TCF12: variants seen among roughly 807,000 people sequenced by gnomAD.
The protein encoded by TCF12 is transcription factor 12, also known as DNA-binding protein HTF4.
TCF12 carries 45 observed loss-of-function variants against 86.0 expected under a neutral mutation model. That is an observed-to-expected ratio of 0.52 (90% CI 0.41 to 0.67). The LOEUF (loss-of-function observed/expected upper bound fraction) is 0.67, where lower values mean the gene tolerates loss of function less well. Ranked by LOEUF, TCF12 falls within the 30% of genes least tolerant of loss-of-function variation. The pLI, the probability that TCF12 is intolerant of heterozygous loss-of-function variation, is 0.00. For synonymous variants in TCF12, 330 were observed against 299.6 expected (o/e 1.10, Z -1.05); for missense variants, 881 against 859.9 (o/e 1.02, Z -0.31).
At chr15:57,093,299 T>G (rs985473648) in intron 5 of TCF12, among the ~76,000 whole-genome samples, 4 of 152,192 alleles carry the variant, frequency 2.6e-5, no homozygotes, top group African/African-American at 7.2e-5. Context: ...CCAAATTATT[T>G]CCTTTCGGAG....
intron 5 of TCF12, among the ~76,000 whole-genome samples, chr15:57,152,783 C>G (rs777988060): frequency 6.6e-6 from 1 of 151,728 alleles, no homozygotes; most frequent in East Asian, 1.9e-4. Context: ...AGATAATGGC[C>G]AAGAATTTCC....
At chr15:57,022,975 T>G (rs1418561787) in intron 3 of TCF12, among the ~76,000 whole-genome samples, 1 of 152,182 alleles carries the variant, frequency 6.6e-6, no homozygotes, top group African/African-American at 2.4e-5. Flanking sequence ...AGTTGAATAA[T>G]GTACACAGCT....
intron 5 of TCF12, among the ~76,000 whole-genome samples, chr15:57,098,134 C>T (rs1314368760): frequency 1.3e-5 from 2 of 151,574 alleles, no homozygotes; most frequent in African/African-American, 4.9e-5. Flanking sequence ...GCAGTGAGCC[C>T]AGATTGCGCC....
intron 3 of TCF12, among the ~76,000 whole-genome samples, chr15:56,952,053 T>C (rs989580713): frequency 2.6e-5 from 4 of 152,218 alleles, no homozygotes; most frequent in Admixed American, 6.5e-5. Context: ...TTTTTGTGTG[T>C]GTGTGTATGA....
chr15:57,269,262 C>G (rs1358986917), intron 18 of TCF12, among the ~76,000 whole-genome samples: 4 of 151,462 alleles, frequency 2.6e-5, no homozygotes, highest in South Asian at 2.1e-4. Flanking sequence ...TGCATTGATC[C>G]CTTTACCATT....
intron 16 of TCF12, among the ~76,000 whole-genome samples, chr15:57,260,063 A>T (rs1567004490): frequency 6.6e-6 from 1 of 152,200 alleles, no homozygotes; most frequent in Middle Eastern, 3.2e-3. Context: ...TTAAAGGCTT[A>T]TATTTTTGCT....
intron 5 of TCF12, among the ~76,000 whole-genome samples, chr15:57,146,139 C>T (rs958107296): frequency 6.6e-6 from 1 of 152,070 alleles, no homozygotes; most frequent in Admixed American, 6.5e-5. Flanking sequence ...ATGTTAATTT[C>T]TTCTATTTAA....
intron 3 of TCF12, among the ~76,000 whole-genome samples, chr15:56,965,324 G>GATTT (rs1347400964): frequency 1.3e-5 from 2 of 151,914 alleles, no homozygotes; most frequent in Admixed American, 6.6e-5. Context: ...TTGCTATTTT[G>GATTT]ATTTATTAGA....
intron 3 of TCF12, among the ~76,000 whole-genome samples, chr15:57,006,218 G>T (rs1024142803): frequency 6.6e-6 from 1 of 152,174 alleles, no homozygotes; most frequent in African/African-American, 2.4e-5. Flanking sequence ...AAAATTCCAT[G>T]TTGAGATTAG....
At chr15:57,251,185 T>C (rs1201663634) in intron 13 of TCF12, 165 bp from the exon 14 acceptor site, 6 of 472,524 alleles carry the variant, frequency 1.3e-5, no homozygotes, top group Non-Finnish European at 2.3e-5. Flanking sequence ...ATGAAAGATT[T>C]TTTAAAATGT....
At chr15:57,283,817 C>T (rs909863312) in intron 20 of TCF12, among the ~76,000 whole-genome samples, 2 of 152,040 alleles carry the variant, frequency 1.3e-5, no homozygotes, top group African/African-American at 2.4e-5. Flanking sequence ...TAGTTCCTAC[C>T]GCCACTACAT....
At chr15:56,966,442 G>C (rs1401844201) in intron 3 of TCF12, among the ~76,000 whole-genome samples, 1 of 152,164 alleles carries the variant, frequency 6.6e-6, no homozygotes, top group Admixed American at 6.5e-5. Context: ...AGATTAATAA[G>C]GTAGCTAAGC....
intron 8 of TCF12, among the ~76,000 whole-genome samples, chr15:57,216,531 GA>G (rs2058337017): frequency 6.9e-6 from 1 of 144,772 alleles, no homozygotes; most frequent in South Asian, 2.2e-4. Context: ...TTGTCAGACT[GA>G]GTCATAGGAT....
intron 8 of TCF12, among the ~76,000 whole-genome samples, chr15:57,226,938 T>C (rs1393905630): frequency 1.3e-5 from 2 of 152,154 alleles, no homozygotes; most frequent in African/African-American, 4.8e-5. Flanking sequence ...TTGTACAGCA[T>C]AGATACGGAA....
intron 4 of TCF12, among the ~76,000 whole-genome samples, chr15:57,066,652 G>T (rs2068900635): frequency 6.6e-6 from 1 of 152,156 alleles, no homozygotes; most frequent in African/African-American, 2.4e-5. Context: ...TGAGTAATTT[G>T]TTGGAGATAC....
intron 8 of TCF12, among the ~76,000 whole-genome samples, chr15:57,228,896 T>C (rs954055347): frequency 6.6e-6 from 1 of 152,022 alleles, no homozygotes; most frequent in African/African-American, 2.4e-5. Context: ...TTCATAATTA[T>C]CAAGTATGAG....
chr15:57,036,014 C>T (rs117663935), intron 3 of TCF12, among the ~76,000 whole-genome samples: 163 of 152,186 alleles, frequency 1.1e-3, no homozygotes, highest in Non-Finnish European at 1.7e-3. Flanking sequence ...CCTGATGATC[C>T]GAAGTGGAAC....
At chr15:57,005,920 G>T (rs1022789147) in intron 3 of TCF12, among the ~76,000 whole-genome samples, 1 of 152,120 alleles carries the variant, frequency 6.6e-6, no homozygotes, top group Non-Finnish European at 1.5e-5. Context: ...TATTTTCCAG[G>T]TGAAAAGTCC....
At chr15:57,218,785 G>C (rs1181929269) in intron 8 of TCF12, among the ~76,000 whole-genome samples, 3 of 152,086 alleles carry the variant, frequency 2.0e-5, no homozygotes, top group African/African-American at 4.8e-5. Context: ...AGGTAATTTA[G>C]TTTCAAGATA....
Sources: allele counts gnomAD v4.1 joint callset (sites outside exome capture counted in the v4.1 genomes callset), GRCh38; gene constraint gnomAD v4.1.1; transcripts MANE v1.5; gene names NCBI Gene and HGNC (gene_info 2026-07-23, HGNC 2026-07-21).